The following EDC3 variants were observed in gnomAD, a reference collection of about 807,000 sequenced individuals.
EDC3 encodes the protein enhancer of mRNA-decapping protein 3.
EDC3 carries 20 observed loss-of-function variants against 41.8 expected under a neutral mutation model. That is an observed-to-expected ratio of 0.48 (90% CI 0.34 to 0.70). The LOEUF (loss-of-function observed/expected upper bound fraction) is 0.70, where lower values mean the gene tolerates loss of function less well. Among genes scored for constraint, EDC3 ranks in the 30% least tolerant of loss-of-function variants. EDC3 has a pLI of 0.01. For missense variants in EDC3, 444 were observed against 636.8 expected, an observed-to-expected ratio of 0.70 and a Z score of 3.26; for synonymous variants, 206 against 243.2, an observed-to-expected ratio of 0.85 and a Z score of 1.42.
chr15:74,661,249 A>C (rs1221747701), intron 3 of EDC3, among the ~76,000 whole-genome samples: 1 of 152,224 alleles, frequency 6.6e-6, no homozygotes, highest in Non-Finnish European at 1.5e-5. Context: ...AAATTAATTA[A>C]ATCTATGAAG....
chr15:74,659,537 ATTAGAG>A (rs1271839708), intron 3 of EDC3, among the ~76,000 whole-genome samples: 3 of 149,082 alleles, frequency 2.0e-5, no homozygotes, highest in East Asian at 3.9e-4. Context: ...ATATGATGTG[ATTAGAG>A]TTAGAAAGAA....
rs1349952438 is a variant in EDC3 at position 74,630,803 on chromosome 15, G to C, written c.*1809C>G. 1 of 152,238 alleles carries C rather than the reference G, an allele frequency of 6.6e-6. No individual in the cohort carries two copies. Among genetic ancestry groups the C allele is most frequent in the Non-Finnish European group, 1.5e-5 (1 of 68,118 alleles). 9.4% of individuals were successfully genotyped at this position (152,238 alleles called of 1,614,324 possible). A position where few individuals can be genotyped will look rare whatever the true frequency, so the allele number is the denominator to read the frequency against. On this transcript the variant is annotated 3_prime_UTR_variant, in exon 7 of 7. Coordinates refer to ENST00000315127, the MANE Select transcript of EDC3 (RefSeq NM_025083.5). ...TGGGGAGAGAAGAGGGAGAAGCTTGGGCACAAACTCCCAGTGGCCCTGCAA... is the reference window on the plus strand; with the variant it reads ...TGGGGAGAGAAGAGGGAGAAGCTTGCGCACAAACTCCCAGTGGCCCTGCAA...
chr15:74,649,733 T>C (rs1344808166), intron 4 of EDC3, among the ~76,000 whole-genome samples: 4 of 152,114 alleles, frequency 2.6e-5, no homozygotes, highest in Non-Finnish European at 5.9e-5. Flanking sequence ...TTTGGCTATA[T>C]AACTTTTAAC....
chr15:74,692,878 A>G (rs1209082109), intron 1 of EDC3: 1 of 152,236 alleles, frequency 6.6e-6, no homozygotes, highest in African/African-American at 2.4e-5. Context: ...TTAAAATTAA[A>G]TACTTACACT....
At chr15:74,633,485 G>C (rs977306563) in intron 6 of EDC3, among the ~76,000 whole-genome samples, 2 of 152,066 alleles carry the variant, frequency 1.3e-5, no homozygotes, top group East Asian at 1.9e-4. Flanking sequence ...GTCCCCTCTC[G>C]TACTCATTAT....
At chr15:74,637,702 C>G (rs1168035188) in intron 5 of EDC3, 1 of 152,226 alleles carries the variant, frequency 6.6e-6, no homozygotes, top group Non-Finnish European at 1.5e-5. Flanking sequence ...AACACATTAT[C>G]AGGCCCAGAG....
intron 1 of EDC3, chr15:74,679,905 C>CTG (rs1327850154): frequency 6.8e-6 from 1 of 146,512 alleles, no homozygotes; most frequent in Non-Finnish European, 1.5e-5. Context: ...CCAGCCTGGG[C>CTG]AACAAAGCAA....
chr15:74,663,994 C>T (rs984739987), intron 3 of EDC3, among the ~76,000 whole-genome samples: 1 of 152,188 alleles, frequency 6.6e-6, no homozygotes, highest in African/African-American at 2.4e-5. Context: ...AAGAAGGTTT[C>T]AGGTGTTTTC....
intron 4 of EDC3, chr15:74,641,007 G>A (rs1440169254): frequency 8.2e-6 from 2 of 245,212 alleles, no homozygotes; most frequent in Non-Finnish European, 1.6e-5. Context: ...GCCATCTTGG[G>A]CAGCGGGGCT....
chr15:74,645,766 G>A (rs1466886817), intron 4 of EDC3, among the ~76,000 whole-genome samples: 2 of 151,852 alleles, frequency 1.3e-5, no homozygotes, highest in Non-Finnish European at 2.9e-5. Context: ...TGTGGTACCA[G>A]CTACTAGGGA....
intron 4 of EDC3, among the ~76,000 whole-genome samples, chr15:74,654,271 AT>A (rs933046030): frequency 4.0e-5 from 6 of 149,312 alleles, no homozygotes; most frequent in Non-Finnish European, 5.9e-5. Flanking sequence ...AAAAAAAAAA[AT>A]CCTGCAGTGT....
intron 3 of EDC3, among the ~76,000 whole-genome samples, chr15:74,660,891 T>C (rs1424208680): frequency 6.6e-6 from 1 of 152,174 alleles, no homozygotes; most frequent in Non-Finnish European, 1.5e-5. Flanking sequence ...CTGCCCATAT[T>C]TGAGATATCT....
chr15:74,661,284 C>A (rs1391575966), intron 3 of EDC3, among the ~76,000 whole-genome samples: 2 of 152,102 alleles, frequency 1.3e-5, no homozygotes, highest in Admixed American at 6.6e-5. Context: ...TATAAAGTAT[C>A]AAGAAGGTCA....
intron 6 of EDC3, 77 bp from the exon 7 acceptor site, chr15:74,633,023 C>A: frequency 6.9e-7 from 1 of 1,442,556 alleles, no homozygotes. Flanking sequence ...GCCCAGGTCA[C>A]CCCAAGGGTG....
intron 1 of EDC3, among the ~76,000 whole-genome samples, chr15:74,693,512 G>T (rs542316355): frequency 6.6e-6 from 1 of 152,180 alleles, no homozygotes; most frequent in South Asian, 2.1e-4. Context: ...TCTAGATAAG[G>T]TCTCAAATAC....
Position 74,671,884 on chromosome 15 carries a change from T to A in EDC3, c.165-110A>T. 9.2e-7 allele frequency: 1 copy of A among 1,085,668 alleles called. No individual in the cohort carries two copies. The highest frequency in any genetic ancestry group is 2.4e-5 in the East Asian group (1 of 41,838). 67.3% of individuals were successfully genotyped at this position (1,085,668 alleles called of 1,614,324 possible). ...TTTGCAGGACTGCATTTTATTGAGT[T>A]ATCAGAGGCTAGGAAAGGGGGCTGT... On this transcript the variant is annotated intron_variant, in intron 2 of 6. Transcript: ENST00000315127. This position sits in a 1 kb window ranked among gnomAD's most constrained non-coding sequence, Gnocchi z 4.6.
chr15:74,656,406 AACAC>A (rs143925363), intron 3 of EDC3, among the ~76,000 whole-genome samples: 5,994 of 145,914 alleles, frequency 0.041, 152 homozygotes, highest in East Asian at 0.13. Flanking sequence ...TCTGTCTCAA[AACAC>A]ACACACACAC....
intron 4 of EDC3, chr15:74,643,872 A>G (rs919890563): frequency 6.6e-6 from 1 of 152,212 alleles, no homozygotes; most frequent in Non-Finnish European, 1.5e-5. Flanking sequence ...ATCAATAAGG[A>G]GCACAGCTCA....
intron 5 of EDC3, chr15:74,640,193 A>T (rs1353937097): frequency 5.2e-6 from 2 of 383,416 alleles, no homozygotes; most frequent in Admixed American, 4.4e-5. Flanking sequence ...AAGGCTTCTG[A>T]TAGTTAGCAG....
Sources: allele counts gnomAD v4.1 joint callset (sites outside exome capture counted in the v4.1 genomes callset), GRCh38; gene constraint gnomAD v4.1.1; non-coding constraint Gnocchi (gnomAD v3.1); transcripts MANE v1.5; gene names NCBI Gene and HGNC (gene_info 2026-07-23, HGNC 2026-07-21).